MTUS2: variants seen among roughly 807,000 people sequenced by gnomAD.
MTUS2 encodes the protein microtubule-associated tumor suppressor candidate 2.
Under a neutral mutation model 114.1 loss-of-function variants are expected in MTUS2, and 40 were observed. The ratio of observed to expected loss-of-function variants is 0.35; its 90% CI spans 0.27 to 0.46. MTUS2 has a LOEUF of 0.46. Among genes scored for constraint, MTUS2 ranks in the 20% least tolerant of loss-of-function variants. The pLI is 1.00. For missense variants in MTUS2, 1,679 were observed against 1,705.4 expected (o/e 0.98, Z 0.27); for synonymous variants, 688 against 672.0 (o/e 1.02, Z -0.37).
At chr13:29,394,264 G>T (rs1342841833) in intron 8 of MTUS2, among the ~76,000 whole-genome samples, 2 of 152,136 alleles carry the variant, frequency 1.3e-5, no homozygotes, top group African/African-American at 4.8e-5. Flanking sequence ...TACATTTTAG[G>T]GGGACAAAAG....
intron 15 of MTUS2, among the ~76,000 whole-genome samples, chr13:29,501,952 G>T (rs762354244): frequency 1.2e-4 from 19 of 152,096 alleles, no homozygotes; most frequent in Non-Finnish European, 2.2e-4. Context: ...CACATGCCCT[G>T]TTTGCACACT....
At chr13:29,022,776 C>T (rs2138468756) in intron 2 of MTUS2, among the ~76,000 whole-genome samples, 1 of 152,264 alleles carries the variant, frequency 6.6e-6, no homozygotes, top group South Asian at 2.1e-4. Context: ...CAATGTCAAC[C>T]TTGAATAGAA....
chr13:29,389,701 ATGTGTATATGTATATATACATACATATG>A (rs1566173970), intron 8 of MTUS2, among the ~76,000 whole-genome samples: 1 of 144,808 alleles, frequency 6.9e-6, no homozygotes, highest in African/African-American at 2.6e-5. Flanking sequence ...ATATGTGTAT[ATGTGTATATGTATATATACATACATATG>A]TGTGTATATG....
chr13:29,489,059 T>C (rs1047397534), intron 11 of MTUS2, among the ~76,000 whole-genome samples: 3 of 152,080 alleles, frequency 2.0e-5, no homozygotes, highest in African/African-American at 7.2e-5. Flanking sequence ...CTGAGGCAGG[T>C]GGATCACCTG....
intron 5 of MTUS2, among the ~76,000 whole-genome samples, chr13:29,218,228 T>G (rs753468978): frequency 1.3e-5 from 2 of 152,200 alleles, no homozygotes; most frequent in African/African-American, 2.4e-5. Flanking sequence ...GAAACCACTT[T>G]CTGTGCTCAT....
intron 8 of MTUS2, among the ~76,000 whole-genome samples, chr13:29,425,136 A>G (rs2138612929): frequency 6.6e-6 from 1 of 152,338 alleles, no homozygotes; most frequent in Non-Finnish European, 1.5e-5. Context: ...TTAACAGACC[A>G]GGTGCAGTGG....
In MTUS2 at chr13:29,142,036, A is replaced by G. The variant is rs1892244327; in HGVS notation, c.2644+41066A>G. On this transcript the variant is annotated intron_variant, in intron 5 of 15. Transcript: ENST00000612955. Reference sequence around the variant, plus strand: ...CACCACACCCAGCTAATTTTTTTGTATTTTTAGTAGATACGGGGTTTCACT... The same window carrying G: ...CACCACACCCAGCTAATTTTTTTGTGTTTTTAGTAGATACGGGGTTTCACT... Among the ~76,000 whole-genome samples the G allele has an allele frequency of 2.6e-5, 4 of 151,650 alleles. No homozygotes were observed. The South Asian group carries it at 8.4e-4, about 32-fold the overall frequency.
At chr13:28,936,713 C>T (rs1881920871) in intron 2 of MTUS2, among the ~76,000 whole-genome samples, 1 of 152,150 alleles carries the variant, frequency 6.6e-6, no homozygotes, top group African/African-American at 2.4e-5. Flanking sequence ...CCGGTGTCCC[C>T]TGAGGCTTTG....
intron 4 of MTUS2, among the ~76,000 whole-genome samples, chr13:29,066,770 A>AAG (rs1438036297): frequency 6.6e-6 from 1 of 152,230 alleles, no homozygotes; most frequent in African/African-American, 2.4e-5. Context: ...TGGGTATATA[A>AAG]AGAGATAAAT....
At chr13:29,171,580 G>A (rs1363900251) in intron 5 of MTUS2, among the ~76,000 whole-genome samples, 1 of 152,160 alleles carries the variant, frequency 6.6e-6, no homozygotes, top group Non-Finnish European at 1.5e-5. Context: ...AAAAGATAAG[G>A]CATGTAAGTT....
intron 5 of MTUS2, among the ~76,000 whole-genome samples, chr13:29,129,172 T>A (rs1259089935): frequency 6.9e-6 from 1 of 145,234 alleles, no homozygotes; most frequent in African/African-American, 2.5e-5. Flanking sequence ...GGAATGGAAC[T>A]GTTTTCCCCT....
chr13:29,380,830 G>A lies in MTUS2; in HGVS notation c.3117+21357G>A, dbSNP rs1218315600. ...ACTCGGGAGGCTGAGGCAGGAGAAT[G>A]GCGTGAACCCGGGAAGTGGAGCTTG... On this transcript the variant is annotated intron_variant, in intron 8 of 15. Transcript: ENST00000612955. Among the ~76,000 whole-genome samples the A allele has an allele frequency of 1.4e-4, 6 of 43,188 alleles. 3 individuals carry two copies. The highest frequency in any genetic ancestry group is 4.5e-4 in the Non-Finnish European group (6 of 13,382). The allele number at this position is 43,188 out of a possible 152,430, so 28.3% of individuals were successfully genotyped here.
intron 2 of MTUS2, among the ~76,000 whole-genome samples, chr13:28,988,720 T>G (rs1884696363): frequency 6.6e-6 from 1 of 152,198 alleles, no homozygotes; most frequent in African/African-American, 2.4e-5. Flanking sequence ...TTATCAAATA[T>G]TCAAAGAGTT....
Position 29,503,468 on chromosome 13 carries a change from A to G in MTUS2, c.*262A>G, listed in dbSNP as rs1883047338. 7.0e-6 allele frequency: 4 copies of G among 569,356 alleles called. No individual in the cohort carries two copies. In the Admixed American group the frequency reaches 1.2e-4, roughly 17 times the overall value. 35.3% of individuals were successfully genotyped at this position (569,356 alleles called of 1,614,324 possible). A position where few individuals can be genotyped will look rare whatever the true frequency, so the allele number is the denominator to read the frequency against. ...AGACACTTGCAATTGTTCTTGAGCA[A>G]TGAACTTTCACTGCAGAATTTCAGG... On this transcript the variant is annotated 3_prime_UTR_variant, in exon 16 of 16. Transcript: ENST00000612955.
At chr13:29,409,350 G>T (rs948808154) in intron 8 of MTUS2, among the ~76,000 whole-genome samples, 1 of 152,130 alleles carries the variant, frequency 6.6e-6, no homozygotes, top group East Asian at 1.9e-4. Flanking sequence ...ACCCATTTGT[G>T]TATAGTTATT....
chr13:29,332,165 T>A (rs1156946302), intron 7 of MTUS2, among the ~76,000 whole-genome samples: 1 of 152,154 alleles, frequency 6.6e-6, no homozygotes, highest in East Asian at 1.9e-4. Flanking sequence ...TCAGGTAGAG[T>A]TTGGCTATGA....
chr13:28,960,724 G>T (rs1450563406), intron 2 of MTUS2, among the ~76,000 whole-genome samples: 1 of 152,154 alleles, frequency 6.6e-6, no homozygotes, highest in Admixed American at 6.5e-5. Context: ...GGAGTGACTG[G>T]TGATGGGTAT....
intron 7 of MTUS2, among the ~76,000 whole-genome samples, chr13:29,345,849 C>A (rs185349805): frequency 2.0e-5 from 3 of 151,978 alleles, no homozygotes; most frequent in Non-Finnish European, 4.4e-5. Context: ...CAGGGTGCTC[C>A]CTTGATGTGG....
At chr13:28,974,456 A>C (rs965982031) in intron 2 of MTUS2, among the ~76,000 whole-genome samples, 1 of 152,182 alleles carries the variant, frequency 6.6e-6, no homozygotes, top group Non-Finnish European at 1.5e-5. Flanking sequence ...AAGTTTTTAG[A>C]AATCATGAAC....
Sources: allele counts gnomAD v4.1 joint callset (sites outside exome capture counted in the v4.1 genomes callset), GRCh38; gene constraint gnomAD v4.1.1; transcripts MANE v1.5; gene names NCBI Gene and HGNC (gene_info 2026-07-23, HGNC 2026-07-21).